Variants in ABHD2 observed in about 807,000 individuals in gnomAD.
The protein encoded by ABHD2 is abhydrolase domain containing 2, acylglycerol lipase.
A neutral mutation model predicts 48.1 loss-of-function variants in ABHD2; 20 were observed. That is an observed-to-expected ratio of 0.42 (90% CI 0.29 to 0.60). The LOEUF is 0.60. ABHD2 is among the 20% of genes least tolerant of loss of function. The pLI is 0.24. For synonymous variants in ABHD2, 209 were observed against 214.2 expected (o/e 0.98, Z 0.21); for missense variants, 405 against 550.9 (o/e 0.74, Z 2.65).
chr15:89,055,092 G>A, the ABHD2 span, among the ~76,000 whole-genome samples: 1 of 152,100 alleles, frequency 6.6e-6, no homozygotes, highest in East Asian at 1.9e-4. Context: ...AGCTATTCTA[G>A]AGGCTGAGGC....
chr15:89,049,244 G>A, the ABHD2 span, among the ~76,000 whole-genome samples: 7 of 152,336 alleles, frequency 4.6e-5, no homozygotes, highest in East Asian at 1.2e-3. Context: ...CAGTCTGCCC[G>A]TTCTCAGATC....
In ABHD2 at chr15:89,198,845, C is replaced by G. The variant is rs2051439864; in HGVS notation, c.*3422C>G. 6.6e-6 allele frequency: 1 copy of G among 152,262 alleles called. No homozygotes were observed. Among genetic ancestry groups the G allele is most frequent in the Non-Finnish European group, 1.5e-5 (1 of 68,084 alleles). The allele number at this position is 152,262 out of a possible 1,614,324, so 9.4% of individuals were successfully genotyped here. A position where few individuals can be genotyped will look rare whatever the true frequency, so the allele number is the denominator to read the frequency against. ...GGAGGGAGGGGGCTTCTGCATTAAG[C>G]TTTCCTGGTGAAGACCCTTGATCTT... On this transcript the variant is annotated 3_prime_UTR_variant, in exon 11 of 11. Coordinates refer to ENST00000352732, the MANE Select transcript of ABHD2 (RefSeq NM_152924.5). The surrounding 1 kb of genome is among the most constrained non-coding windows in gnomAD (Gnocchi z 5.1).
rs538904410 is a variant in ABHD2, at chr15:89,108,414, G to A, written c.-106-5311G>A. ...TGTATCCAGATTTCACTTCTTCCAAGGACACCAGTCATGGGGTTAGGACTC... is the reference window on the plus strand; with the variant it reads ...TGTATCCAGATTTCACTTCTTCCAAAGACACCAGTCATGGGGTTAGGACTC... On this transcript the variant is annotated intron_variant, in intron 1 of 10. Transcript: ENST00000352732. Among the ~76,000 whole-genome samples, 3 of 152,256 alleles carry A rather than the reference G, an allele frequency of 2.0e-5. No individual in the cohort carries two copies. The South Asian group carries it at 6.2e-4, about 32-fold the overall frequency.
chr15:89,081,405 G>C, the ABHD2 span, among the ~76,000 whole-genome samples: 1 of 151,878 alleles, frequency 6.6e-6, no homozygotes, highest in African/African-American at 2.4e-5. Flanking sequence ...TGGACATTTG[G>C]GTTGTTTCCC....
chr15:89,187,381 G>C (rs1455995880), intron 7 of ABHD2, among the ~76,000 whole-genome samples: 4 of 152,122 alleles, frequency 2.6e-5, no homozygotes, highest in African/African-American at 7.2e-5. Flanking sequence ...CTTCCTAATA[G>C]TCTTTTGAAA....
intron 3 of ABHD2, among the ~76,000 whole-genome samples, chr15:89,124,643 C>T (rs2050103940): frequency 6.6e-6 from 1 of 152,150 alleles, no homozygotes. Flanking sequence ...TTCCATCGAC[C>T]TGATTTTATC....
At chr15:89,127,099 C>G (rs1394828248) in intron 3 of ABHD2, among the ~76,000 whole-genome samples, 1 of 152,100 alleles carries the variant, frequency 6.6e-6, no homozygotes, top group Non-Finnish European at 1.5e-5. Context: ...TACCAAGTAC[C>G]AAGGGCCGGG....
At chr15:89,073,038 A>T in the ABHD2 span, among the ~76,000 whole-genome samples, 30,177 of 152,114 alleles carry the variant, frequency 0.2, 3,673 homozygotes, top group East Asian at 0.35. Context: ...CTAAAAAAGT[A>T]TTTGCTCTTT....
intron 3 of ABHD2, among the ~76,000 whole-genome samples, chr15:89,117,036 T>C (rs1460278964): frequency 6.6e-6 from 1 of 151,424 alleles, no homozygotes; most frequent in East Asian, 1.9e-4. Flanking sequence ...CAGATCTGTA[T>C]TTTTTTTTAG....
In ABHD2 at chr15:89,120,252, T is replaced by G. The variant is rs763162597; in HGVS notation, c.194+3731T>G. On this transcript the variant is annotated intron_variant, in intron 3 of 10. Transcript: ENST00000352732. This position sits in a 1 kb window ranked among gnomAD's most constrained non-coding sequence, Gnocchi z 4.2. ...GGAAAACTTTGCTTCAGTGGGATGT[T>G]ATGTCTCCTGTTCTCTTAGAAACAG... 6.6e-6 allele frequency among the ~76,000 whole-genome samples: 1 copy of G among 152,224 alleles called. No individual in the cohort carries two copies. The highest frequency in any genetic ancestry group is 1.5e-5 in the Non-Finnish European group (1 of 68,042).
the ABHD2 span, among the ~76,000 whole-genome samples, chr15:89,050,056 C>T: frequency 6.6e-6 from 1 of 152,146 alleles, no homozygotes; most frequent in South Asian, 2.1e-4. Context: ...GTCTAAGACT[C>T]CCTGAGGTAG....
intron 7 of ABHD2, among the ~76,000 whole-genome samples, chr15:89,187,675 A>T (rs1186978642): frequency 6.6e-6 from 1 of 152,186 alleles, no homozygotes; most frequent in African/African-American, 2.4e-5. Context: ...TCCTGAATAG[A>T]TGTTAGCTTT....
rs2051465781 is a variant in ABHD2, at chr15:89,201,587, T to A, written c.*6164T>A. 9 of 1,595,562 alleles carry A rather than the reference T, an allele frequency of 5.6e-6. No individual in the cohort carries two copies. The highest frequency in any genetic ancestry group is 6.9e-6 in the Non-Finnish European group (8 of 1,163,324). Reference sequence around the variant, plus strand: ...GTAGCATTACTGAAACAGTCACAGTTGACCCTGGGTCAATAATTCCACTGT... The same window carrying A: ...GTAGCATTACTGAAACAGTCACAGTAGACCCTGGGTCAATAATTCCACTGT... On this transcript the variant is annotated 3_prime_UTR_variant, in exon 11 of 11. Coordinates refer to ENST00000352732, the MANE Select transcript of ABHD2 (RefSeq NM_152924.5).
chr15:89,186,189 C>G lies in ABHD2; in HGVS notation c.815+673C>G, dbSNP rs932509001. ...TCTTGGCTGGCGCTTGGGCTTCTGA[C>G]CAAGCAGCAGCGGGACAGGAGGCTC... On this transcript the variant is annotated intron_variant, in intron 7 of 10. Coordinates refer to ENST00000352732, the MANE Select transcript of ABHD2 (RefSeq NM_152924.5). The surrounding 1 kb of genome is among the most constrained non-coding windows in gnomAD (Gnocchi z 4.3). Among the ~76,000 whole-genome samples the G allele has an allele frequency of 6.6e-6, 1 of 152,128 alleles. No homozygotes were observed. Among genetic ancestry groups the G allele is most frequent in the Non-Finnish European group, 1.5e-5 (1 of 68,030 alleles).
intron 5 of ABHD2, among the ~76,000 whole-genome samples, chr15:89,171,193 A>G (rs752174415): frequency 2.0e-5 from 3 of 152,208 alleles, no homozygotes; most frequent in Non-Finnish European, 2.9e-5. Flanking sequence ...CTCTGGACCA[A>G]CAACGTCAGC....
At position 89,175,969 on chromosome 15, in the gene ABHD2, C is replaced by T. The variant is rs757775669; in HGVS notation, c.696C>T (p.Ser232=). 23 of 1,611,960 alleles carry T rather than the reference C, an allele frequency of 1.4e-5. No homozygotes were observed. The highest frequency in any genetic ancestry group is 1.8e-5 in the Non-Finnish European group (21 of 1,178,898). Residue 232 remains serine, a synonymous_variant, in exon 6 of 11, where the codon AGC becomes AGT. Transcript: ENST00000352732. This position sits in a 1 kb window ranked among gnomAD's most constrained non-coding sequence, Gnocchi z 5.7. ...AAGAGAAGGTCCTGTGCTGCGTCAG[C>T]GTGTGCCAGGGGTACAGTGCACTGA... ...ANQEKVLCCV[S]VCQGYSALRA...
intron 1 of ABHD2, among the ~76,000 whole-genome samples, chr15:89,109,783 A>G (rs1461202682): frequency 6.6e-6 from 1 of 152,136 alleles, no homozygotes; most frequent in East Asian, 1.9e-4. Flanking sequence ...TTTAATACCT[A>G]TGTATATGCA....
In ABHD2 at chr15:89,117,355, C is replaced by T. The variant is rs190001391; in HGVS notation, c.194+834C>T. ...ATCTGTATTTTGGAGGCAGCAGGGG[C>T]GGGCTCTGCTTCTGACAGAGGAAAC... On this transcript the variant is annotated intron_variant, in intron 3 of 10. Transcript: ENST00000352732. Among the ~76,000 whole-genome samples the T allele has an allele frequency of 8.5e-5, 13 of 152,274 alleles. No individual in the cohort carries two copies. In the East Asian group the frequency reaches 1.7e-3, roughly 20 times the overall value.
rs563064173 is a variant in ABHD2 at position 89,116,634 on chromosome 15, C to T, written c.194+113C>T. On this transcript the variant is annotated intron_variant, in intron 3 of 10. Transcript: ENST00000352732. This position sits in a 1 kb window ranked among gnomAD's most constrained non-coding sequence, Gnocchi z 4.6. Reference sequence around the variant, plus strand: ...TCCTTAAGGCATCAATGGGATATGACGTCACTGGTGTTAAAATAGCCACAG... The same window carrying T: ...TCCTTAAGGCATCAATGGGATATGATGTCACTGGTGTTAAAATAGCCACAG... 29 of 1,146,512 alleles carry T rather than the reference C, an allele frequency of 2.5e-5. No homozygotes were observed. Among genetic ancestry groups the T allele is most frequent in the South Asian group, 1.6e-4 (10 of 64,234 alleles). The allele number at this position is 1,146,512 out of a possible 1,614,324, so 71.0% of individuals were successfully genotyped here. A position where few individuals can be genotyped will look rare whatever the true frequency, so the allele number is the denominator to read the frequency against.
Sources: gnomAD v4.1 joint callset for allele counts (sites outside exome capture counted in the v4.1 genomes callset) on GRCh38, gnomAD v4.1.1 for gene constraint, Gnocchi (gnomAD v3.1) non-coding constraint, MANE v1.5 for transcripts, NCBI Gene and HGNC (gene_info 2026-07-23, HGNC 2026-07-21) for gene names.